The following NLGN1 variants were observed in gnomAD, a reference collection of about 807,000 sequenced individuals.
NLGN1 encodes the protein neuroligin 1.
NLGN1 carries 12 observed loss-of-function variants against 65.5 expected under a neutral mutation model. That is an observed-to-expected ratio of 0.18 (90% confidence interval 0.12 to 0.30). The LOEUF is 0.30. NLGN1 is among the 10% of genes least tolerant of loss of function. NLGN1 has a pLI of 1.00. For missense variants in NLGN1, 750 were observed against 1,007.1 expected (o/e 0.74, Z 3.46); for synonymous variants, 350 against 359.5 (o/e 0.97, Z 0.30).
In NLGN1 at chr3:174,131,122, A is replaced by G. The variant is rs568157640; in HGVS notation, c.647-144193A>G. On this transcript the variant is annotated intron_variant, in intron 4 of 6. Coordinates refer to ENST00000457714, the Ensembl canonical transcript of NLGN1. ...CCCGGAAGTCCTAAAGCATCATTAC[A>G]CACTTTAATTCCTCATGCAGATACT... is the stretch of plus-strand genomic sequence containing the variant. 4.6e-5 allele frequency among the ~76,000 whole-genome samples: 7 copies of G among 152,320 alleles called. No individual in the cohort carries two copies. The South Asian group carries it at 1.5e-3, about 32-fold the overall frequency.
At chr3:173,986,542 G>T (rs1437048233) in intron 4 of NLGN1, among the ~76,000 whole-genome samples, 1 of 151,934 alleles carries the variant, frequency 6.6e-6, no homozygotes, top group Non-Finnish European at 1.5e-5. Context: ...ATGCACCAAG[G>T]GAAGATAATA....
At chr3:173,717,588 T>C (rs1770084277) in intron 3 of NLGN1, among the ~76,000 whole-genome samples, 1 of 152,170 alleles carries the variant, frequency 6.6e-6, no homozygotes, top group Non-Finnish European at 1.5e-5. Context: ...GGCAATGAAT[T>C]GTATTTTCTT....
At position 173,697,637 on chromosome 3, in the gene NLGN1, C is replaced by T. The variant is rs184703699; in HGVS notation, c.493+92546C>T. ...CTGCCTCCCGGGTTCAAGTGATTCT[C>T]CTGCCTCAGCCTCCTGAGTAGCTGG... On this transcript the variant is annotated intron_variant, in intron 3 of 6. Coordinates refer to ENST00000457714, the Ensembl canonical transcript of NLGN1. Among the ~76,000 whole-genome samples the T allele has an allele frequency of 5.9e-5, 9 of 152,180 alleles. No homozygotes were observed. In the East Asian group the frequency reaches 1.7e-3, roughly 29 times the overall value.
At chr3:173,972,288 T>G (rs540842256) in intron 4 of NLGN1, among the ~76,000 whole-genome samples, 2 of 152,248 alleles carry the variant, frequency 1.3e-5, no homozygotes, top group East Asian at 3.9e-4. Flanking sequence ...TCTTTAGGGC[T>G]GGCTTACTAC....
intron 4 of NLGN1, among the ~76,000 whole-genome samples, chr3:174,138,585 C>A (rs1373796994): frequency 6.6e-6 from 1 of 151,964 alleles, no homozygotes; most frequent in African/African-American, 2.4e-5. Flanking sequence ...CAGGCCCCCG[C>A]CACCACGCCC....
chr3:174,006,696 G>T (rs1724481330), intron 4 of NLGN1, among the ~76,000 whole-genome samples: 1 of 152,154 alleles, frequency 6.6e-6, no homozygotes, highest in South Asian at 2.1e-4. Flanking sequence ...TTTGGAGAGA[G>T]GGCCTTTGAA....
chr3:173,620,742 A>G (rs1260865586), intron 3 of NLGN1, among the ~76,000 whole-genome samples: 7 of 152,144 alleles, frequency 4.6e-5, no homozygotes. Flanking sequence ...AGACAGAGAT[A>G]GATAACACAG....
chr3:173,466,428 G>C (rs1270226865), intron 2 of NLGN1, among the ~76,000 whole-genome samples: 1 of 152,144 alleles, frequency 6.6e-6, no homozygotes, highest in African/African-American at 2.4e-5. Flanking sequence ...TTCCTGTACT[G>C]TAGCCAATTT....
intron 4 of NLGN1, among the ~76,000 whole-genome samples, chr3:174,134,824 G>A (rs962452501): frequency 2.6e-5 from 4 of 152,202 alleles, no homozygotes; most frequent in African/African-American, 9.6e-5. Context: ...GGGTGCCCAG[G>A]TAAAAGCAGA....
At chr3:173,975,538 G>C (rs769527068) in intron 4 of NLGN1, among the ~76,000 whole-genome samples, 1 of 151,910 alleles carries the variant, frequency 6.6e-6, no homozygotes, top group Non-Finnish European at 1.5e-5. Context: ...AAGTGTAATC[G>C]TTCTTTGAAG....
intron 3 of NLGN1, among the ~76,000 whole-genome samples, chr3:173,663,509 A>G (rs1273912765): frequency 6.6e-6 from 1 of 152,112 alleles, no homozygotes; most frequent in East Asian, 1.9e-4. Context: ...TTTATGCTGT[A>G]AAAAAGAAAG....
intron 4 of NLGN1, among the ~76,000 whole-genome samples, chr3:174,075,016 A>T (rs2152539752): frequency 6.6e-6 from 1 of 152,286 alleles, no homozygotes; most frequent in South Asian, 2.1e-4. Context: ...GACCCAATAC[A>T]TTCCTGATTC....
intron 3 of NLGN1, 145 bp downstream of exon 2, chr3:173,605,236 T>C (rs1751189641): frequency 1.5e-6 from 1 of 678,626 alleles, no homozygotes; most frequent in African/African-American, 1.8e-5. Flanking sequence ...TGCATGGTGC[T>C]CTTTTTGTTT....
At chr3:174,043,678 G>A (rs893054930) in intron 4 of NLGN1, among the ~76,000 whole-genome samples, 6 of 152,226 alleles carry the variant, frequency 3.9e-5, no homozygotes, top group African/African-American at 1.4e-4. Context: ...GCAGGGTACA[G>A]CACCCCTCCC....
intron 4 of NLGN1, among the ~76,000 whole-genome samples, chr3:174,022,737 T>A (rs537402705): frequency 6.6e-6 from 1 of 152,098 alleles, no homozygotes. Flanking sequence ...TTTCGTTTGA[T>A]GCAGGGGGTA....
chr3:173,920,197 G>A (rs944745896), intron 4 of NLGN1, among the ~76,000 whole-genome samples: 3 of 151,814 alleles, frequency 2.0e-5, no homozygotes, highest in African/African-American at 7.3e-5. Flanking sequence ...ATCTCTTATG[G>A]TTATCAAGTG....
At chr3:173,704,209 T>G (rs536369039) in intron 3 of NLGN1, among the ~76,000 whole-genome samples, 1 of 152,334 alleles carries the variant, frequency 6.6e-6, no homozygotes, top group African/African-American at 2.4e-5. Context: ...GTGTGGCACA[T>G]AGAAGTGTGT....
intron 4 of NLGN1, among the ~76,000 whole-genome samples, chr3:174,141,693 C>A (rs1051826987): frequency 6.6e-6 from 1 of 152,124 alleles, no homozygotes; most frequent in South Asian, 2.1e-4. Context: ...AGCTCTCAAC[C>A]ACAGAAGCCA....
intron 4 of NLGN1, among the ~76,000 whole-genome samples, chr3:174,083,801 T>C (rs1216306174): frequency 6.9e-6 from 1 of 145,178 alleles, no homozygotes; most frequent in East Asian, 2.0e-4. Flanking sequence ...AAGGAACAGG[T>C]AAAAAAAAAA....
Sources: gnomAD v4.1 joint callset for allele counts (sites outside exome capture counted in the v4.1 genomes callset) on GRCh38, gnomAD v4.1.1 for gene constraint, MANE v1.5 for transcripts, NCBI Gene and HGNC (gene_info 2026-07-23, HGNC 2026-07-21) for gene names.